Variants in RREB1 observed in about 807,000 individuals in gnomAD.
The protein encoded by RREB1 is ras-responsive element-binding protein 1.
In RREB1, 27 loss-of-function variants were observed where a neutral mutation model predicts 117.8. The observed-to-expected ratio is 0.23, with a 90% confidence interval of 0.17 to 0.32. The LOEUF (loss-of-function observed/expected upper bound fraction) is 0.32. Ranked by LOEUF, RREB1 falls within the 10% of genes least tolerant of loss-of-function variation. RREB1 has a pLI of 1.00. For missense variants in RREB1, 2,577 were observed against 2,378.2 expected, an observed-to-expected ratio of 1.08 and a Z score of -1.74; for synonymous variants, 1,298 against 1,026.7, an observed-to-expected ratio of 1.26 and a Z score of -5.05.
intron 1 of RREB1, among the ~76,000 whole-genome samples, chr6:7,142,253 G>A (rs1400168828): frequency 6.6e-6 from 1 of 151,872 alleles, no homozygotes; most frequent in African/African-American, 2.4e-5. Context: ...TCTGAGAATG[G>A]AGGTGGAGGA....
intron 8 of RREB1, among the ~76,000 whole-genome samples, chr6:7,222,375 T>TG (rs1428124537): frequency 1.3e-5 from 2 of 152,156 alleles, no homozygotes; most frequent in Admixed American, 1.3e-4. Flanking sequence ...AGCCGGCAGC[T>TG]GAAGTGCACA....
rs781691890 is a variant in RREB1, at chr6:7,231,046, T to C, written c.2947T>C (p.Leu983=). The C allele has an allele frequency of 1.2e-6, 2 of 1,613,816 alleles. No individual in the cohort carries two copies. Among genetic ancestry groups the C allele is most frequent in the Non-Finnish European group, 1.7e-6 (2 of 1,179,988 alleles). The change falls in exon 10 of 13, where the codon TTG becomes CTG. Residue 983 remains leucine (L), a synonymous_variant. Transcript: ENST00000379938. ...PAPGPSLPVT[L]GPSGILESPM... is the part of the protein sequence containing the mutation. ...ACCCGGCCCTTCTCTTCCTGTAACT[T>C]TGGGGCCCAGCGGAATCCTGGAAAG...
At chr6:7,111,102 G>A (rs1205493511) in intron 1 of RREB1, among the ~76,000 whole-genome samples, 1 of 152,214 alleles carries the variant, frequency 6.6e-6, no homozygotes, top group Non-Finnish European at 1.5e-5. Context: ...GGTACAGCGT[G>A]TTGAAGGAAG....
At chr6:7,212,546 A>G (rs1766673344) in intron 8 of RREB1, 1 of 152,238 alleles carries the variant, frequency 6.6e-6, no homozygotes, top group Non-Finnish European at 1.5e-5. Context: ...ATTGGAAAGA[A>G]CAAAGAACTA....
chr6:7,200,984 G>A (rs763404694), intron 6 of RREB1, among the ~76,000 whole-genome samples: 4 of 152,168 alleles, frequency 2.6e-5, no homozygotes, highest in African/African-American at 4.8e-5. Context: ...CAGTCTTACC[G>A]GGTAAAACTG....
At chr6:7,244,262 CAA>C (rs560699173) in intron 11 of RREB1, among the ~76,000 whole-genome samples, 23 of 108,272 alleles carry the variant, frequency 2.1e-4, no homozygotes, top group Non-Finnish European at 1.4e-4. Flanking sequence ...GACTCCATCT[CAA>C]AAAAAAAAAA....
intron 1 of RREB1, among the ~76,000 whole-genome samples, chr6:7,163,879 T>A (rs1763793410): frequency 6.6e-6 from 1 of 152,258 alleles, no homozygotes. Flanking sequence ...GCAAGTTTTC[T>A]ATTTTCTTTG....
intron 1 of RREB1, among the ~76,000 whole-genome samples, chr6:7,121,060 G>T (rs2113314312): frequency 6.6e-6 from 1 of 152,168 alleles, no homozygotes; most frequent in Non-Finnish European, 1.5e-5. Context: ...CCAACCTCAG[G>T]TGATCCACCC....
Position 7,246,766 on chromosome 6 carries a change from G to A in RREB1, c.4316G>A (p.Gly1439Glu). 1.3e-6 allele frequency: 2 copies of A among 1,556,582 alleles called. No homozygotes were observed. Among genetic ancestry groups the A allele is most frequent in the East Asian group, 2.4e-5 (1 of 41,614 alleles). The change falls in exon 12 of 13, where the codon GGG becomes GAG. Residue 1439 changes from glycine (G) to glutamate (E), a missense_variant. Coordinates refer to ENST00000379938, the MANE Select transcript of RREB1 (RefSeq NM_001003699.4). Reference protein sequence around the residue: ...LAEGDGEAGAGGAASQEQKLA... With the variant: ...LAEGDGEAGAEGAASQEQKLA... ...GAGGGCGACGGCGAGGCAGGCGCCGGGGGCGCGGCCTCGCAGGAGCAGAAG... is the reference window on the plus strand; with the variant it reads ...GAGGGCGACGGCGAGGCAGGCGCCGAGGGCGCGGCCTCGCAGGAGCAGAAG...
At position 7,222,301 on chromosome 6, in the gene RREB1, C is replaced by T. The variant is rs556663752; in HGVS notation, c.708-4166C>T. Among the ~76,000 whole-genome samples, 22 of 152,258 alleles carry T rather than the reference C, an allele frequency of 1.4e-4. No individual in the cohort carries two copies. The South Asian group carries it at 4.6e-3, about 32-fold the overall frequency. On this transcript the variant is annotated intron_variant, in intron 8 of 12. Coordinates refer to ENST00000379938, the MANE Select transcript of RREB1 (RefSeq NM_001003699.4). ...AGTTGGTCTGGGGTGATCTAGGAGTCTGCTTTTTTTAACAAGGTCATGTGG... is the reference window on the plus strand; with the variant it reads ...AGTTGGTCTGGGGTGATCTAGGAGTTTGCTTTTTTTAACAAGGTCATGTGG...
chr6:7,174,701 C>T lies in RREB1; in HGVS notation c.-284-1954C>T, dbSNP rs200340950. ...TCAGCTCACTGCAACCTCCGCCTTCCGGGTTCAAGTGATTCTCCTGCCTCA... is the reference window on the plus strand; with the variant it reads ...TCAGCTCACTGCAACCTCCGCCTTCTGGGTTCAAGTGATTCTCCTGCCTCA... On this transcript the variant is annotated intron_variant, in intron 1 of 12. Coordinates refer to ENST00000379938, the MANE Select transcript of RREB1 (RefSeq NM_001003699.4). 5.3e-5 allele frequency among the ~76,000 whole-genome samples: 8 copies of T among 152,240 alleles called. No individual in the cohort carries two copies. The East Asian group carries it at 9.6e-4, about 18-fold the overall frequency.
intron 1 of RREB1, among the ~76,000 whole-genome samples, chr6:7,162,727 C>T (rs145803327): frequency 6.6e-6 from 1 of 152,218 alleles, no homozygotes; most frequent in East Asian, 1.9e-4. Flanking sequence ...CTGAGAATAC[C>T]CATTTTTCTC....
intron 12 of RREB1, 77 bp downstream of exon 12, chr6:7,247,298 C>T (rs1769146716): frequency 2.2e-6 from 3 of 1,353,948 alleles, no homozygotes; most frequent in South Asian, 1.4e-5. Context: ...TCCCCTGAAG[C>T]GGCGCTGGAG....
intron 1 of RREB1, among the ~76,000 whole-genome samples, chr6:7,119,221 G>A (rs987809388): frequency 1.3e-5 from 2 of 151,828 alleles, no homozygotes; most frequent in African/African-American, 4.8e-5. Flanking sequence ...CGTAGTGGCG[G>A]GCGTCTGTAA....
At chr6:7,140,471 A>C (rs947364738) in intron 1 of RREB1, among the ~76,000 whole-genome samples, 1 of 152,244 alleles carries the variant, frequency 6.6e-6, no homozygotes, top group Non-Finnish European at 1.5e-5. Flanking sequence ...AAAAGATGAA[A>C]TCTGAAACAC....
chr6:7,132,306 C>T (rs1232707713), intron 1 of RREB1, among the ~76,000 whole-genome samples: 3 of 152,108 alleles, frequency 2.0e-5, no homozygotes, highest in African/African-American at 4.8e-5. Flanking sequence ...CTACCTGCCT[C>T]GGCCTTCCAA....
Position 7,230,942 on chromosome 6 carries a change from A to G in RREB1, c.2843A>G (p.Lys948Arg), listed in dbSNP as rs1404598661. ...CCCAAGAACTTCAGGAAAGGGGACAAGGATTTGGCCACTCCCAGCGAAGCC... is the reference window on the plus strand; with the variant it reads ...CCCAAGAACTTCAGGAAAGGGGACAGGGATTTGGCCACTCCCAGCGAAGCC... ...SIPKNFRKGD[K>R]DLATPSEAKK... The change falls in exon 10 of 13, where the codon AAG (lysine) becomes AGG (arginine). Residue 948 changes from lysine to arginine, a missense_variant. Lys to Arg is a conservative substitution (Grantham distance 26, BLOSUM62 2). Transcript: ENST00000379938. 1 of 1,614,036 alleles carries G rather than the reference A, an allele frequency of 6.2e-7. No homozygotes were observed. Among genetic ancestry groups the G allele is most frequent in the Non-Finnish European group, 8.5e-7 (1 of 1,179,934 alleles).
Position 7,187,509 on chromosome 6 carries a change from A to G in RREB1, c.247A>G (p.Met83Val). The G allele has an allele frequency of 6.6e-7, 1 of 1,504,174 alleles. No homozygotes were observed. Among genetic ancestry groups the G allele is most frequent in the Non-Finnish European group, 9.0e-7 (1 of 1,115,706 alleles). 93.2% of individuals were successfully genotyped at this position (1,504,174 alleles called of 1,614,324 possible). Residue 83 changes from methionine to valine, a missense_variant, in exon 5 of 13, where the codon ATG (methionine) becomes GTG (valine). Coordinates refer to ENST00000379938, the MANE Select transcript of RREB1 (RefSeq NM_001003699.4). ...KICTTQHQLT[M>V]HIRQHNTDTG... ...TTGCACTACCCAGCACCAGCTGACC[A>G]TGCACATTCGCCAGGTAGATTCCCA...
intron 1 of RREB1, among the ~76,000 whole-genome samples, chr6:7,157,872 C>T (rs1261008089): frequency 6.6e-6 from 1 of 152,160 alleles, no homozygotes; most frequent in Non-Finnish European, 1.5e-5. Context: ...CCACTCGCTG[C>T]TAATGCCTTC....
Sources: gnomAD v4.1 joint callset for allele counts (sites outside exome capture counted in the v4.1 genomes callset) on GRCh38, gnomAD v4.1.1 for gene constraint, MANE v1.5 for transcripts, NCBI Gene and HGNC (gene_info 2026-07-23, HGNC 2026-07-21) for gene names.